Variants in GPC6 observed in about 807,000 individuals in gnomAD.
GPC6 encodes the protein glypican-6.
A neutral mutation model predicts 55.2 loss-of-function variants in GPC6; 14 were observed. The observed-to-expected ratio is 0.25, with a 90% CI of 0.17 to 0.40. The LOEUF (loss-of-function observed/expected upper bound fraction) is 0.40. Among genes scored for constraint, GPC6 ranks in the 10% least tolerant of loss-of-function variants. The pLI is 1.00. For synonymous variants in GPC6, 278 were observed against 259.6 expected, an observed-to-expected ratio of 1.07 and a Z score of -0.68; for missense variants, 641 against 708.5, an observed-to-expected ratio of 0.90 and a Z score of 1.08.
chr13:93,825,773 A>G (rs1441806459), intron 2 of GPC6, among the ~76,000 whole-genome samples: 2 of 152,122 alleles, frequency 1.3e-5, no homozygotes, highest in South Asian at 2.1e-4. Context: ...AGGAGGGAAG[A>G]CAGGCTGGTA....
chr13:93,405,711 G>T (rs1876265390), intron 1 of GPC6, among the ~76,000 whole-genome samples: 1 of 152,062 alleles, frequency 6.6e-6, no homozygotes, highest in Admixed American at 6.6e-5. Context: ...AATGACCAGG[G>T]TAAAATGAAA....
At chr13:93,874,814 A>G (rs1165074729) in intron 3 of GPC6, among the ~76,000 whole-genome samples, 1 of 151,792 alleles carries the variant, frequency 6.6e-6, no homozygotes, top group Admixed American at 6.6e-5. Context: ...TCTCAGTGGC[A>G]TCCTCTGACA....
At chr13:93,464,042 C>T (rs1002918982) in intron 1 of GPC6, among the ~76,000 whole-genome samples, 21 of 152,168 alleles carry the variant, frequency 1.4e-4, no homozygotes, top group Non-Finnish European at 1.8e-4. Flanking sequence ...TAAGTTTACA[C>T]TATACTGTAC....
intron 1 of GPC6, among the ~76,000 whole-genome samples, chr13:93,429,126 T>G (rs1467570993): frequency 1.3e-5 from 2 of 152,104 alleles, no homozygotes; most frequent in Admixed American, 6.6e-5. Context: ...GGGAAGCAAG[T>G]TTTTGCTAAA....
intron 4 of GPC6, among the ~76,000 whole-genome samples, chr13:94,174,762 G>A (rs1462305311): frequency 1.3e-5 from 2 of 152,038 alleles, no homozygotes; most frequent in Non-Finnish European, 2.9e-5. Context: ...CCAAAGTCAC[G>A]GAAAACAGCA....
At chr13:93,315,996 C>A (rs1012876687) in intron 1 of GPC6, among the ~76,000 whole-genome samples, 15 of 152,016 alleles carry the variant, frequency 9.9e-5, no homozygotes, top group African/African-American at 3.6e-4. Flanking sequence ...TCAAAGCAGT[C>A]TCAATGATTT....
At chr13:94,134,581 T>C (rs1887117525) in intron 4 of GPC6, among the ~76,000 whole-genome samples, 1 of 152,234 alleles carries the variant, frequency 6.6e-6, no homozygotes. Context: ...AAATGAGGTG[T>C]CCTCCTAATA....
At chr13:93,725,201 G>A (rs1169201254) in intron 2 of GPC6, among the ~76,000 whole-genome samples, 2 of 150,482 alleles carry the variant, frequency 1.3e-5, no homozygotes, top group African/African-American at 5.0e-5. Context: ...ATAATATTCA[G>A]TGAGTGGAAG....
At chr13:94,030,485 G>A (rs1281240110) in intron 4 of GPC6, among the ~76,000 whole-genome samples, 6 of 152,148 alleles carry the variant, frequency 3.9e-5, no homozygotes, top group Middle Eastern at 3.2e-3. Flanking sequence ...TTTATGGCAT[G>A]AATTAGTCAA....
intron 4 of GPC6, among the ~76,000 whole-genome samples, chr13:94,072,983 T>A (rs11618297): frequency 0.27 from 41,031 of 151,958 alleles, 6,427 homozygotes; most frequent in Middle Eastern, 0.41. Flanking sequence ...GAGTCCTGAA[T>A]TGAAAGAATA....
rs146859180 is a variant in GPC6, at chr13:94,226,974, C to G, written c.878-59375C>G. ...GGCTCCAGCCTGGCTTTACAAGCCACTGATTGTTCTAGGCAAGTCACTGTA... is the reference window on the plus strand; with the variant it reads ...GGCTCCAGCCTGGCTTTACAAGCCAGTGATTGTTCTAGGCAAGTCACTGTA... On this transcript the variant is annotated intron_variant, in intron 4 of 8. Transcript: ENST00000377047. 2.9e-4 allele frequency among the ~76,000 whole-genome samples: 44 copies of G among 152,236 alleles called. No individual in the cohort carries two copies. The East Asian group carries it at 5.2e-3, about 18-fold the overall frequency.
intron 2 of GPC6, among the ~76,000 whole-genome samples, chr13:93,583,491 T>A (rs1401086796): frequency 6.6e-6 from 1 of 152,176 alleles, no homozygotes; most frequent in Non-Finnish European, 1.5e-5. Context: ...CGATATCGGC[T>A]CACCGCAACC....
chr13:93,427,544 C>T (rs1877187122), intron 1 of GPC6, among the ~76,000 whole-genome samples: 1 of 152,046 alleles, frequency 6.6e-6, no homozygotes, highest in Non-Finnish European at 1.5e-5. Context: ...AACTGGCTAG[C>T]CATATGTAGA....
intron 2 of GPC6, among the ~76,000 whole-genome samples, chr13:93,604,797 T>C (rs1878170987): frequency 6.6e-6 from 1 of 152,078 alleles, no homozygotes; most frequent in Admixed American, 6.6e-5. Context: ...GCATCCAGCC[T>C]TAGCACAGTA....
At chr13:93,881,657 T>C (rs1258699282) in intron 3 of GPC6, among the ~76,000 whole-genome samples, 1 of 152,108 alleles carries the variant, frequency 6.6e-6, no homozygotes, top group Non-Finnish European at 1.5e-5. Context: ...TAGTCACCCA[T>C]GCATATGTAA....
At chr13:94,209,984 A>C (rs1208330237) in intron 4 of GPC6, among the ~76,000 whole-genome samples, 1 of 151,958 alleles carries the variant, frequency 6.6e-6, no homozygotes, top group Admixed American at 6.6e-5. Flanking sequence ...AGTAGCTGGG[A>C]CCACAGGCAC....
In GPC6 at chr13:93,784,110, C is replaced by T. The variant is rs140306355; in HGVS notation, c.320-46044C>T. The stretch of plus-strand genomic sequence containing the variant: ...TACTGCTATGTACATAAAGCAGTAC[C>T]TATACAGTGAATATTTAATGAAATC... On this transcript the variant is annotated intron_variant, in intron 2 of 8. Coordinates refer to ENST00000377047, the MANE Select transcript of GPC6 (RefSeq NM_005708.5). Among the ~76,000 whole-genome samples the T allele has an allele frequency of 2.4e-3, 366 of 152,106 alleles. 7 individuals carry two copies. Among genetic ancestry groups the T allele is most frequent in the Admixed American group, 0.022 (342 of 15,256 alleles).
intron 4 of GPC6, among the ~76,000 whole-genome samples, chr13:94,197,158 T>C (rs917857151): frequency 6.6e-6 from 1 of 152,102 alleles, no homozygotes; most frequent in Non-Finnish European, 1.5e-5. Context: ...ATAGAGAGAT[T>C]TGGGGCCAGT....
intron 4 of GPC6, among the ~76,000 whole-genome samples, chr13:94,208,907 A>G (rs1004726591): frequency 9.2e-5 from 14 of 152,002 alleles, no homozygotes; most frequent in Admixed American, 8.5e-4. Flanking sequence ...AGCCTGGGAG[A>G]TGGAGCAAGA....
Sources: allele counts gnomAD v4.1 joint callset (sites outside exome capture counted in the v4.1 genomes callset), GRCh38; gene constraint gnomAD v4.1.1; transcripts MANE v1.5; gene names NCBI Gene and HGNC (gene_info 2026-07-23, HGNC 2026-07-21).